The following SYNE1 variants were observed in gnomAD, a reference collection of about 807,000 sequenced individuals.
SYNE1 encodes the protein spectrin repeat containing nuclear envelope protein 1, also known as nesprin-1.
Under a neutral mutation model 1,111.0 loss-of-function variants are expected in SYNE1, and 616 were observed. That is an observed-to-expected ratio of 0.55 (90% CI 0.52 to 0.59). The LOEUF (loss-of-function observed/expected upper bound fraction) is 0.59, where lower values mean the gene tolerates loss of function less well. Ranked by LOEUF, SYNE1 falls within the 20% of genes least tolerant of loss-of-function variation. The pLI, the probability that SYNE1 is intolerant of heterozygous loss-of-function variation, is 0.00. For missense variants in SYNE1, 10,006 were observed against 10,417.0 expected, an observed-to-expected ratio of 0.96 and a Z score of 1.72; for synonymous variants, 3,855 against 3,825.8, an observed-to-expected ratio of 1.01 and a Z score of -0.28.
chr6:152,498,713 T>C, intron 11 of SYNE1, 29 bp downstream of exon 11: 1 of 1,486,396 alleles, frequency 6.7e-7, no homozygotes, highest in Non-Finnish European at 9.2e-7. Context: ...TTGAAAGAGG[T>C]CATCAATGCA....
chr6:152,155,765 A>C, intron 132 of SYNE1, 145 bp downstream of exon 132: 1 of 947,034 alleles, frequency 1.1e-6, no homozygotes, highest in Admixed American at 2.0e-5. Context: ...TCCCAACTAA[A>C]TGTAGACAAT....
In SYNE1 at chr6:152,244,610, A is replaced by T; in HGVS notation, c.19619T>A (p.Ile6540Asn). 1 of 1,614,006 alleles carries T rather than the reference A, an allele frequency of 6.2e-7. No individual in the cohort carries two copies. The highest frequency in any genetic ancestry group is 8.5e-7 in the Non-Finnish European group (1 of 1,179,930). Reference protein sequence around the residue: ...EDGLKEFDAGIIELKRRGDKL... With the variant: ...EDGLKEFDAGNIELKRRGDKL... ...GTCACCACGCCTCTTTAATTCAATGATTCCTGCATCAAATTCTTTGAGTCC... is the reference window on the plus strand; with the variant it reads ...GTCACCACGCCTCTTTAATTCAATGTTTCCTGCATCAAATTCTTTGAGTCC... Residue 6540 changes from isoleucine to asparagine, a missense_variant, in exon 106 of 146, where the codon ATC (isoleucine) becomes AAC (asparagine). By Grantham distance (149) the Ile-to-Asn change is moderately radical. Around this residue, in one of 7 missense-constraint regions of SYNE1, gnomAD observed 2,182 missense variants for 2,287.8 expected, o/e 0.95. Transcript: ENST00000367255.
At chr6:152,377,629 AAAAAAAAAAAAATATATATATATATAT>A (rs2097310396) in intron 56 of SYNE1, among the ~76,000 whole-genome samples, 1 of 99,264 alleles carries the variant, frequency 1.0e-5, no homozygotes, top group Non-Finnish European at 2.0e-5. Context: ...AAAAAAAAAA[AAAAAAAAAAAAATATATATATATATAT>A]ATATATATAT....
chr6:152,405,776 G>T (rs1370087872), intron 45 of SYNE1, among the ~76,000 whole-genome samples: 1 of 152,152 alleles, frequency 6.6e-6, no homozygotes, highest in African/African-American at 2.4e-5. Flanking sequence ...TGTACTTTTA[G>T]TCTGGATAAT....
At chr6:152,313,819 G>A (rs772301879) in intron 87 of SYNE1, among the ~76,000 whole-genome samples, 1 of 152,174 alleles carries the variant, frequency 6.6e-6, no homozygotes, top group Non-Finnish European at 1.5e-5. Flanking sequence ...CACCAAAAGA[G>A]TCTACAGTCT....
chr6:152,522,736 A>G (rs2099145901), intron 5 of SYNE1, among the ~76,000 whole-genome samples: 1 of 152,104 alleles, frequency 6.6e-6, no homozygotes, highest in Non-Finnish European at 1.5e-5. Flanking sequence ...TGACTTTTTA[A>G]TAATGGCGAT....
chr6:152,326,914 CCTCT>C (rs1350078574), intron 78 of SYNE1, among the ~76,000 whole-genome samples: 1 of 152,058 alleles, frequency 6.6e-6, no homozygotes, highest in Admixed American at 6.6e-5. Flanking sequence ...CTGAAACTTC[CCTCT>C]CTAAGAAATA....
intron 39 of SYNE1, among the ~76,000 whole-genome samples, chr6:152,422,041 T>C (rs1460604576): frequency 6.6e-6 from 1 of 152,130 alleles, no homozygotes; most frequent in African/African-American, 2.4e-5. Context: ...AAACTGAAGC[T>C]AGGCAACTAA....
rs186274451 is a variant in SYNE1, at chr6:152,175,787, A to G, written c.23627+607T>C. On this transcript the variant is annotated intron_variant, in intron 130 of 145. Transcript: ENST00000367255. ...TTTTATATTGCTAGTAAATACCCTC[A>G]TATATTTTTCTTTTTGACTTTCATC... 1.4e-3 allele frequency among the ~76,000 whole-genome samples: 220 copies of G among 152,220 alleles called. 1 individual carries two copies. Among genetic ancestry groups the G allele is most frequent in the African/African-American group, 5.1e-3 (210 of 41,542 alleles).
chr6:152,320,521 C>A (rs7741183), intron 84 of SYNE1, among the ~76,000 whole-genome samples: 1 of 151,720 alleles, frequency 6.6e-6, no homozygotes, highest in Non-Finnish European at 1.5e-5. Context: ...CAAGAGAGTC[C>A]GAAAAATCTA....
At position 152,358,391 on chromosome 6, in the gene SYNE1, T is replaced by C. The variant is rs761297342; in HGVS notation, c.10590A>G (p.Thr3530=). The change falls in exon 66 of 146, where the codon ACA becomes ACG. Residue 3530 remains threonine (T), a synonymous_variant. Transcript: ENST00000367255. ...VLEGDAHTHE[T]TLRDLQELQV... ...GCCTTACCTGAAGATCACGCAATGT[T>C]GTCTCATGAGTGTGGGCATCACCTT... The C allele has an allele frequency of 1.9e-6, 3 of 1,614,060 alleles. No homozygotes were observed. Among genetic ancestry groups the C allele is most frequent in the African/African-American group, 1.3e-5 (1 of 74,932 alleles).
rs2153179297 is a variant in SYNE1 at position 152,180,170 on chromosome 6, A to G, written c.23426T>C (p.Ile7809Thr). The G allele has an allele frequency of 1.2e-6, 2 of 1,614,114 alleles. No homozygotes were observed. The highest frequency in any genetic ancestry group is 8.5e-7 in the Non-Finnish European group (1 of 1,180,000). Reference sequence around the variant, plus strand: ...CTTCTCTATCATTTCTTCAATGAGAATGTCTCCATTCTGAGAAACTTTGCT... The same window carrying G: ...CTTCTCTATCATTTCTTCAATGAGAGTGTCTCCATTCTGAGAAACTTTGCT... ...MESKVSQNGD[I>T]LIEEMIEKLK... The change falls in exon 129 of 146, where the codon ATT (isoleucine) becomes ACT (threonine). Residue 7809 changes from isoleucine (I) to threonine (T), a missense_variant. This residue lies in a region of SYNE1 where 2,182 missense variants were observed against 2,287.8 expected (regional missense o/e 0.95). Coordinates refer to ENST00000367255, the MANE Select transcript of SYNE1 (RefSeq NM_182961.4).
rs1387679247 is a variant in SYNE1 at position 152,558,689 on chromosome 6, TAAAATGAATGCTA to T, written c.68-18681_68-18669del. 2.0e-5 allele frequency among the ~76,000 whole-genome samples: 3 copies of T among 152,282 alleles called. No homozygotes were observed. In the East Asian group the frequency reaches 5.8e-4, roughly 29 times the overall value. On this transcript the variant is annotated intron_variant, in intron 3 of 145. Transcript: ENST00000367255. The stretch of plus-strand genomic sequence containing the variant: ...CCCAACATCGGAGCACCTAAATATA[TAAAATGAATGCTA>T]ACAGAATCGAAGGAAATAAACAGCA...
rs1276060875 is a variant in SYNE1, at chr6:152,269,143, G to GA, written c.18705+11dup. ...AGATCTGCAAGCTAGAGAGAGGTAG[G>GA]AAACACTTTACTTTTTGTTGCTGGA... On this transcript the variant is annotated intron_variant, in intron 99 of 145. Transcript: ENST00000367255. 6.2e-7 allele frequency: 1 copy of GA among 1,614,182 alleles called. No individual in the cohort carries two copies. The highest frequency in any genetic ancestry group is 1.3e-5 in the African/African-American group (1 of 75,054).
chr6:152,450,855 T>A (rs773110750), intron 26 of SYNE1, 22 bp from the exon 27 acceptor site: 2 of 1,612,648 alleles, frequency 1.2e-6, no homozygotes, highest in Non-Finnish European at 8.5e-7. Context: ...TAAATGTTTT[T>A]ATAATCCCTG....
chr6:152,473,386 C>A (rs573156944), intron 14 of SYNE1, among the ~76,000 whole-genome samples: 95 of 152,244 alleles, frequency 6.2e-4, no homozygotes, highest in Non-Finnish European at 9.7e-4. Context: ...AGCCTAAAAT[C>A]AAGAGACACA....
rs780093837 is a variant in SYNE1, at chr6:152,329,876, T to C, written c.14809A>G (p.Ser4937Gly). The C allele has an allele frequency of 4.3e-6, 7 of 1,614,066 alleles. No homozygotes were observed. The highest frequency in any genetic ancestry group is 5.9e-6 in the Non-Finnish European group (7 of 1,180,044). The change falls in exon 78 of 146, where the codon AGC becomes GGC. Residue 4937 changes from serine (S) to glycine (G), a missense_variant. Ser to Gly is a moderately conservative substitution (Grantham distance 56). Around this residue, in one of 7 missense-constraint regions of SYNE1, gnomAD observed 4,955 missense variants for 5,017.2 expected, o/e 0.99. Coordinates refer to ENST00000367255, the MANE Select transcript of SYNE1 (RefSeq NM_182961.4). ...IQIHQEEVQS[S>G]LRIMNALSHK... ...CTCAGCGCATTCATGATTCTCAAGC[T>C]GGACTGGACCTCTTCCTGATGAATT...
chr6:152,369,304 T>C (rs1397816562), intron 60 of SYNE1, 167 bp downstream of exon 60: 3 of 1,365,626 alleles, frequency 2.2e-6, no homozygotes, highest in Non-Finnish European at 3.0e-6. Flanking sequence ...CAAATCATAC[T>C]TCCAAGGAAA....
chr6:152,195,478 TAA>T (rs2073860849), intron 127 of SYNE1, among the ~76,000 whole-genome samples: 1 of 152,124 alleles, frequency 6.6e-6, no homozygotes, highest in African/African-American at 2.4e-5. Flanking sequence ...AGTTGTGACC[TAA>T]GTTTTTAGTC....
Sources: allele counts gnomAD v4.1 joint callset (sites outside exome capture counted in the v4.1 genomes callset), GRCh38; gene constraint gnomAD v4.1.1; regional missense constraint gnomAD v4.1.1; transcripts MANE v1.5; gene names NCBI Gene and HGNC (gene_info 2026-07-23, HGNC 2026-07-21).